SIDT1: variants seen among roughly 807,000 people sequenced by gnomAD.
SIDT1 encodes SID1 transmembrane family, member 1.
In SIDT1, 101 loss-of-function variants were observed where a neutral mutation model predicts 107.5. The observed-to-expected ratio is 0.94, with a 90% confidence interval of 0.80 to 1.11. The LOEUF (loss-of-function observed/expected upper bound fraction) is 1.11. SIDT1 is among the 50% of genes least tolerant of loss of function. SIDT1 has a pLI of 0.00. For missense variants in SIDT1, 1,076 were observed against 1,058.2 expected (o/e 1.02, Z -0.23); for synonymous variants, 395 against 398.2 (o/e 0.99, Z 0.10).
chr3:113,608,946 C>T (rs572127399), intron 17 of SIDT1, among the ~76,000 whole-genome samples: 13 of 151,844 alleles, frequency 8.6e-5, no homozygotes, highest in East Asian at 5.8e-4. Flanking sequence ...CCAGAGGAGG[C>T]GGCAAGCTGG....
At chr3:113,542,011 C>T (rs1017466170) in intron 1 of SIDT1, among the ~76,000 whole-genome samples, 2 of 151,466 alleles carry the variant, frequency 1.3e-5, no homozygotes, top group Non-Finnish European at 2.9e-5. Context: ...GCAACCTCTG[C>T]CTCCCAGGTT....
At chr3:113,634,749 A>C in the SIDT1 span, among the ~76,000 whole-genome samples, 2 of 152,346 alleles carry the variant, frequency 1.3e-5, no homozygotes, top group African/African-American at 4.8e-5. Flanking sequence ...GGTTGCAATC[A>C]GCTGAGATAG....
chr3:113,612,218 C>A, intron 19 of SIDT1, 24 bp downstream of exon 19: 1 of 1,479,410 alleles, frequency 6.8e-7, no homozygotes, highest in Non-Finnish European at 9.5e-7. Flanking sequence ...TAATTCTATA[C>A]TAATCACACG....
At chr3:113,605,858 T>TA (rs1945290128) in intron 14 of SIDT1, among the ~76,000 whole-genome samples, 1 of 151,688 alleles carries the variant, frequency 6.6e-6, no homozygotes, top group African/African-American at 2.4e-5. Context: ...ACAAAAAAAT[T>TA]AGCTGAGTGG....
intron 16 of SIDT1, 87 bp from the exon 17 acceptor site, chr3:113,608,332 G>A (rs1255142150): frequency 2.0e-6 from 3 of 1,534,938 alleles, no homozygotes; most frequent in East Asian, 4.5e-5. Context: ...TAAACTACAT[G>A]AGGCCAGAAG....
chr3:113,543,746 A>G (rs1306772714), intron 1 of SIDT1, among the ~76,000 whole-genome samples: 6 of 152,248 alleles, frequency 3.9e-5, no homozygotes, highest in Non-Finnish European at 7.3e-5. Context: ...CTTCAAACTT[A>G]CAAGAAAGTA....
chr3:113,546,123 T>C (rs1295230464), intron 1 of SIDT1, among the ~76,000 whole-genome samples: 1 of 152,188 alleles, frequency 6.6e-6, no homozygotes, highest in Admixed American at 6.5e-5. Flanking sequence ...TCCCTTTACC[T>C]GAGGACCTTC....
intron 1 of SIDT1, among the ~76,000 whole-genome samples, chr3:113,537,293 A>T (rs1938285531): frequency 6.6e-6 from 1 of 152,204 alleles, no homozygotes; most frequent in Admixed American, 6.5e-5. Context: ...CCTCATCTTC[A>T]TTAATATAAA....
In SIDT1 at chr3:113,538,840, T is replaced by A. The variant is rs77836185; in HGVS notation, c.222+5597T>A. 9.5e-3 allele frequency among the ~76,000 whole-genome samples: 1,448 copies of A among 152,314 alleles called. 17 individuals carry two copies. Among genetic ancestry groups the A allele is most frequent in the African/African-American group, 0.033 (1,362 of 41,566 alleles). On this transcript the variant is annotated intron_variant, in intron 1 of 24. Transcript: ENST00000264852. ...AAGGCATTTCAGATACGGAAAAATA[T>A]ATCCAATTTATGTTTTGGCAAGACT...
Position 113,611,146 on chromosome 3 carries a change from T to C in SIDT1, c.1857+2T>C. The C allele has an allele frequency of 1.2e-6, 2 of 1,613,348 alleles. No individual in the cohort carries two copies. The highest frequency in any genetic ancestry group is 1.7e-6 in the Non-Finnish European group (2 of 1,179,554). ...ATCATGGTCACCGTCCTTGGAGTGGTGCGTCCCCCACCTTCTTCCACCTGG... is the reference window on the plus strand; with the variant it reads ...ATCATGGTCACCGTCCTTGGAGTGGCGCGTCCCCCACCTTCTTCCACCTGG... On this transcript the variant is annotated splice_donor_variant, in intron 18 of 24. Coordinates refer to ENST00000264852, the MANE Select transcript of SIDT1 (RefSeq NM_017699.3). LOFTEE classifies it high-confidence loss of function.
chr3:113,564,470 A>G (rs1402589188), intron 1 of SIDT1, among the ~76,000 whole-genome samples: 3 of 152,216 alleles, frequency 2.0e-5, no homozygotes, highest in African/African-American at 7.2e-5. Context: ...TAGCAAGTAC[A>G]GCCCTGGAGT....
At chr3:113,576,522 A>G (rs1188547903) in intron 3 of SIDT1, among the ~76,000 whole-genome samples, 1 of 152,196 alleles carries the variant, frequency 6.6e-6, no homozygotes, top group African/African-American at 2.4e-5. Context: ...TATCTACATT[A>G]TCCAAAAGGA....
intron 1 of SIDT1, among the ~76,000 whole-genome samples, chr3:113,540,178 T>C (rs1938650467): frequency 1.3e-5 from 2 of 152,106 alleles, no homozygotes; most frequent in Admixed American, 1.3e-4. Flanking sequence ...TGCCAGGCTC[T>C]TTTGAACAAC....
At chr3:113,575,845 C>T (rs1942855212) in intron 3 of SIDT1, among the ~76,000 whole-genome samples, 1 of 152,042 alleles carries the variant, frequency 6.6e-6, no homozygotes, top group Non-Finnish European at 1.5e-5. Context: ...CTTCAGAGAG[C>T]CCCAGGGGGT....
In SIDT1 at chr3:113,533,114, G is replaced by A. The variant is rs1452513955; in HGVS notation, c.93G>A (p.Gln31=). The change falls in exon 1 of 25, where the codon CAG becomes CAA. Residue 31 remains glutamine, a synonymous_variant. Coordinates refer to ENST00000264852, the MANE Select transcript of SIDT1 (RefSeq NM_017699.3). ...SPGHPAKSPR[Q]PPAPRRDPFD... is the part of the protein sequence containing the mutation. ...GGCACCCGGCGAAATCCCCCAGGCA[G>A]CCCCCGGCACCGCGCCGCGACCCCT... 6.5e-7 allele frequency: 1 copy of A among 1,544,892 alleles called. No homozygotes were observed. The highest frequency in any genetic ancestry group is 8.7e-7 in the Non-Finnish European group (1 of 1,147,606).
chr3:113,621,113 C>T (rs576846322), intron 21 of SIDT1, among the ~76,000 whole-genome samples: 1 of 152,004 alleles, frequency 6.6e-6, no homozygotes, highest in Non-Finnish European at 1.5e-5. Context: ...TTCGTATGGT[C>T]CTGAGTTATA....
chr3:113,621,662 G>T (rs533803648), intron 21 of SIDT1, among the ~76,000 whole-genome samples: 6 of 152,116 alleles, frequency 3.9e-5, no homozygotes, highest in Non-Finnish European at 8.8e-5. Context: ...TACTGCAAAG[G>T]TATCCTTTCT....
At chr3:113,591,956 G>T (rs767084409) in intron 9 of SIDT1, among the ~76,000 whole-genome samples, 2 of 152,218 alleles carry the variant, frequency 1.3e-5, no homozygotes, top group Non-Finnish European at 2.9e-5. Context: ...ATATTATTCA[G>T]CCATAAAAAG....
intron 21 of SIDT1, among the ~76,000 whole-genome samples, chr3:113,622,139 T>A (rs970282111): frequency 5.3e-5 from 8 of 152,008 alleles, no homozygotes; most frequent in African/African-American, 1.9e-4. Context: ...ATTGAGATTT[T>A]AAAAAATATA....
Sources: allele counts gnomAD v4.1 joint callset (sites outside exome capture counted in the v4.1 genomes callset), GRCh38; gene constraint gnomAD v4.1.1; transcripts MANE v1.5; gene names NCBI Gene and HGNC (gene_info 2026-07-23, HGNC 2026-07-21).